CERS6: variants seen among roughly 807,000 people sequenced by gnomAD.
CERS6 encodes the protein ceramide synthase 6.
Under a neutral mutation model 56.8 loss-of-function variants are expected in CERS6, and 26 were observed. That is an observed-to-expected ratio of 0.46 (90% confidence interval 0.34 to 0.63). The LOEUF (loss-of-function observed/expected upper bound fraction) is 0.63, where lower values mean the gene tolerates loss of function less well. CERS6 is among the 30% of genes least tolerant of loss of function. The pLI, the probability that CERS6 is intolerant of heterozygous loss-of-function variation, is 0.01. For missense variants in CERS6, 415 were observed against 467.5 expected (o/e 0.89, Z 1.04); for synonymous variants, 164 against 173.3 (o/e 0.95, Z 0.42).
At chr2:168,760,589 A>T (rs1164809257) in intron 8 of CERS6, among the ~76,000 whole-genome samples, 3 of 152,126 alleles carry the variant, frequency 2.0e-5, no homozygotes, top group African/African-American at 4.8e-5. Context: ...TAGGTTCATG[A>T]TGGCATCATT....
intron 3 of CERS6, among the ~76,000 whole-genome samples, chr2:168,562,278 T>C (rs1390732928): frequency 3.9e-5 from 6 of 152,170 alleles, no homozygotes; most frequent in Non-Finnish European, 5.9e-5. Context: ...CCTCCACACC[T>C]GTGGGTATTT....
At chr2:168,668,382 C>T (rs1685820119) in intron 4 of CERS6, among the ~76,000 whole-genome samples, 1 of 151,914 alleles carries the variant, frequency 6.6e-6, no homozygotes, top group African/African-American at 2.4e-5. Context: ...ACAGCATGTC[C>T]TAAGGAGTCC....
At chr2:168,703,950 A>G (rs553606413) in intron 6 of CERS6, among the ~76,000 whole-genome samples, 1 of 152,346 alleles carries the variant, frequency 6.6e-6, no homozygotes, top group East Asian at 1.9e-4. Context: ...ATAAGCTACC[A>G]TTTGTGATCA....
intron 3 of CERS6, among the ~76,000 whole-genome samples, chr2:168,586,305 A>G (rs939699259): frequency 2.0e-5 from 3 of 152,118 alleles, no homozygotes; most frequent in African/African-American, 7.2e-5. Flanking sequence ...ATTAAAGAAA[A>G]TCAGTACTAA....
intron 3 of CERS6, among the ~76,000 whole-genome samples, chr2:168,588,080 AT>A (rs11396816): frequency 6.3e-4 from 87 of 138,494 alleles, no homozygotes; most frequent in Admixed American, 1.4e-3. Flanking sequence ...TACCTGGCTA[AT>A]TTTTTTTTTT....
chr2:168,534,550 C>T (rs973346816), intron 1 of CERS6, among the ~76,000 whole-genome samples: 3 of 151,970 alleles, frequency 2.0e-5, no homozygotes, highest in South Asian at 2.1e-4. Context: ...GCTCCCGCGT[C>T]GGGAGATGTC....
At chr2:168,555,750 G>A (rs1001668880) in intron 2 of CERS6, among the ~76,000 whole-genome samples, 4 of 151,498 alleles carry the variant, frequency 2.6e-5, no homozygotes, top group Admixed American at 6.6e-5. Flanking sequence ...GTGTGTGTGT[G>A]TGTGTGTGTG....
chr2:168,721,548 G>GT (rs775915609), intron 8 of CERS6, among the ~76,000 whole-genome samples: 2,846 of 20,174 alleles, frequency 0.14, 46 homozygotes, highest in Middle Eastern at 0.28. Flanking sequence ...TTTAGTTTTT[G>GT]TTTTTGTTTT....
intron 3 of CERS6, among the ~76,000 whole-genome samples, chr2:168,604,346 G>A (rs1351576106): frequency 6.6e-6 from 1 of 151,466 alleles, no homozygotes; most frequent in Non-Finnish European, 1.5e-5. Context: ...TGTAGGGTAG[G>A]GTATGTGTGT....
At chr2:168,479,174 T>G (rs1694131279) in intron 1 of CERS6, among the ~76,000 whole-genome samples, 1 of 152,176 alleles carries the variant, frequency 6.6e-6, no homozygotes, top group South Asian at 2.1e-4. Flanking sequence ...ATAATTTATC[T>G]TACTAGTTAG....
intron 8 of CERS6, among the ~76,000 whole-genome samples, chr2:168,720,268 A>C (rs1311704275): frequency 6.6e-6 from 1 of 152,114 alleles, no homozygotes; most frequent in Non-Finnish European, 1.5e-5. Context: ...TTAATATTAA[A>C]ATGTTTTGAG....
At chr2:168,652,491 A>G (rs1005907999) in intron 4 of CERS6, among the ~76,000 whole-genome samples, 5 of 152,120 alleles carry the variant, frequency 3.3e-5, no homozygotes, top group East Asian at 3.8e-4. Flanking sequence ...CATAAACCAC[A>G]TAATTCATTA....
At chr2:168,480,278 T>C (rs770163935) in intron 1 of CERS6, among the ~76,000 whole-genome samples, 6 of 152,216 alleles carry the variant, frequency 3.9e-5, no homozygotes, top group Non-Finnish European at 7.3e-5. Flanking sequence ...TTAGCATACG[T>C]AATTGACTTT....
Position 168,654,263 on chromosome 2 carries a change from C to T in CERS6, c.465+23221C>T, listed in dbSNP as rs116791609. On this transcript the variant is annotated intron_variant, in intron 4 of 9. Transcript: ENST00000305747. ...CTGTATATTTTTTTAAAATGTGTGT[C>T]GTAGGCCTGGTGTGGTGGCTAATGC... is the stretch of plus-strand genomic sequence containing the variant. 9.7e-3 allele frequency among the ~76,000 whole-genome samples: 1,480 copies of T among 152,054 alleles called. 28 individuals carry two copies. Among genetic ancestry groups the T allele is most frequent in the African/African-American group, 0.034 (1,395 of 41,464 alleles).
At chr2:168,465,526 A>G (rs1168276208) in intron 1 of CERS6, among the ~76,000 whole-genome samples, 1 of 152,238 alleles carries the variant, frequency 6.6e-6, no homozygotes, top group African/African-American at 2.4e-5. Flanking sequence ...AAACATTCAG[A>G]CCATAGCAAC....
chr2:168,678,931 C>T (rs1051695827), intron 4 of CERS6, among the ~76,000 whole-genome samples: 2 of 152,212 alleles, frequency 1.3e-5, no homozygotes, highest in South Asian at 2.1e-4. Context: ...TGGAATTAAC[C>T]TCAGTGTCCA....
rs181287015 is a variant in CERS6 at position 168,732,333 on chromosome 2, T to C, written c.845+14355T>C. On this transcript the variant is annotated intron_variant, in intron 8 of 9. Transcript: ENST00000305747. ...AGGACCACATCTCATTCTCCCTTTA[T>C]GTGCTCAGTCCCTTGCACCTGGTGC... Among the ~76,000 whole-genome samples, 252 of 152,352 alleles carry C rather than the reference T, an allele frequency of 1.7e-3. 1 individual carries two copies. The highest frequency in any genetic ancestry group is 5.7e-3 in the African/African-American group (239 of 41,590).
chr2:168,581,385 T>C (rs1441970343), intron 3 of CERS6, among the ~76,000 whole-genome samples: 2 of 152,194 alleles, frequency 1.3e-5, no homozygotes, highest in Non-Finnish European at 2.9e-5. Flanking sequence ...GCTGCTTCTC[T>C]ACTCTCACTA....
At chr2:168,529,854 A>G (rs1455188298) in intron 1 of CERS6, among the ~76,000 whole-genome samples, 17 of 152,200 alleles carry the variant, frequency 1.1e-4, no homozygotes. Flanking sequence ...TTAAAGGATT[A>G]ATGCATTACA....
Sources: allele counts gnomAD v4.1 joint callset (sites outside exome capture counted in the v4.1 genomes callset), GRCh38; gene constraint gnomAD v4.1.1; transcripts MANE v1.5; gene names NCBI Gene and HGNC (gene_info 2026-07-23, HGNC 2026-07-21).